Variants in RASSF9 observed in about 807,000 individuals in gnomAD.
RASSF9 encodes the protein ras association domain-containing protein 9.
A neutral mutation model predicts 21.4 loss-of-function variants in RASSF9; 18 were observed. The ratio of observed to expected loss-of-function variants is 0.84; its 90% CI spans 0.58 to 1.25. The LOEUF is 1.25. Among genes scored for constraint, RASSF9 ranks in the 50% most tolerant of loss-of-function variants. The pLI is 0.00. For synonymous variants in RASSF9, 183 were observed against 179.1 expected (o/e 1.02, Z -0.18); for missense variants, 480 against 503.2 (o/e 0.95, Z 0.44).
chr12:85,821,558 TTAA>T (rs147536514), intron 1 of RASSF9, among the ~76,000 whole-genome samples: 4,120 of 152,182 alleles, frequency 0.027, 211 homozygotes, highest in African/African-American at 0.094. Context: ...TTTCAGAAAA[TTAA>T]TGACTCTATG....
At chr12:85,832,766 T>C (rs1168160385) in intron 1 of RASSF9, among the ~76,000 whole-genome samples, 1 of 151,910 alleles carries the variant, frequency 6.6e-6, no homozygotes, top group Non-Finnish European at 1.5e-5. Context: ...ATGAAGAAGA[T>C]ATGCATCAAG....
intron 1 of RASSF9, among the ~76,000 whole-genome samples, chr12:85,812,645 A>G (rs1041251750): frequency 2.0e-5 from 3 of 151,436 alleles, no homozygotes; most frequent in African/African-American, 7.2e-5. Flanking sequence ...GATGTCTGGC[A>G]TATTTCTGCA....
intron 1 of RASSF9, among the ~76,000 whole-genome samples, chr12:85,820,563 T>C (rs1250003845): frequency 6.6e-6 from 1 of 152,076 alleles, no homozygotes; most frequent in Non-Finnish European, 1.5e-5. Context: ...TTCAACTTTT[T>C]TTACCATATA....
intron 1 of RASSF9, among the ~76,000 whole-genome samples, chr12:85,807,007 G>T (rs1879851065): frequency 6.6e-6 from 1 of 152,094 alleles, no homozygotes; most frequent in Admixed American, 6.6e-5. Flanking sequence ...TGTAACTAAT[G>T]TAATATCAAA....
At position 85,813,247 on chromosome 12, in the gene RASSF9, T is replaced by C. The variant is rs894150209; in HGVS notation, c.48-7285A>G. Among the ~76,000 whole-genome samples the C allele has an allele frequency of 7.2e-5, 11 of 151,854 alleles. No homozygotes were observed. In the East Asian group the frequency reaches 1.3e-3, roughly 19 times the overall value. On this transcript the variant is annotated intron_variant, in intron 1 of 1. Transcript: ENST00000361228. The stretch of plus-strand genomic sequence containing the variant: ...TTCATTCTGAAATATTAGTGAAAAA[T>C]TGAATATGAAACTTTTTACATTGAC...
At chr12:85,806,138 T>C (rs112897128) in intron 1 of RASSF9, among the ~76,000 whole-genome samples, 176 bp from the exon 2 acceptor site, 39,586 of 151,522 alleles carry the variant, frequency 0.26, 5,551 homozygotes, top group African/African-American at 0.33. Context: ...GCTCCGCTTC[T>C]CGGGTTCACG....
intron 1 of RASSF9, among the ~76,000 whole-genome samples, chr12:85,816,061 A>T (rs1439775300): frequency 6.6e-6 from 1 of 152,104 alleles, no homozygotes; most frequent in African/African-American, 2.4e-5. Flanking sequence ...AGAAACAGAA[A>T]ACCAAGTACT....
chr12:85,814,697 T>C (rs1880023986), intron 1 of RASSF9, among the ~76,000 whole-genome samples: 6 of 151,892 alleles, frequency 4.0e-5, no homozygotes, highest in Admixed American at 1.3e-4. Context: ...ATCATCAACC[T>C]TTATGCTTGC....
chr12:85,817,777 C>T (rs148348303), intron 1 of RASSF9, among the ~76,000 whole-genome samples: 116 of 152,096 alleles, frequency 7.6e-4, no homozygotes, highest in African/African-American at 2.6e-3. Flanking sequence ...GAAAAAAGTA[C>T]ATGTTTAGAG....
Position 85,805,407 on chromosome 12 carries a change from G to T in RASSF9, c.603C>A (p.Val201=). 1 of 1,613,600 alleles carries T rather than the reference G, an allele frequency of 6.2e-7. No individual in the cohort carries two copies. Among genetic ancestry groups the T allele is most frequent in the South Asian group, 1.1e-5 (1 of 91,058 alleles). ...CCAGATCCAGCTCTTTCATTCTCTT[G>T]ACTTGCTGATGAATAGTATGGTCCT... The part of the protein sequence containing the change: ...ISQDHTIHQQ[V]KRMKELDLEI... The change falls in exon 2 of 2, where the codon GTC becomes GTA. Residue 201 remains valine (V), a synonymous_variant. Coordinates refer to ENST00000361228, the MANE Select transcript of RASSF9 (RefSeq NM_005447.4).
chr12:85,806,410 C>T (rs565552886), intron 1 of RASSF9, among the ~76,000 whole-genome samples: 4 of 149,708 alleles, frequency 2.7e-5, no homozygotes, highest in Non-Finnish European at 5.9e-5. Context: ...TGGTGGCTCA[C>T]GCCTGTAATC....
chr12:85,815,546 A>G (rs1880044256), intron 1 of RASSF9, among the ~76,000 whole-genome samples: 1 of 152,076 alleles, frequency 6.6e-6, no homozygotes, highest in Non-Finnish European at 1.5e-5. Context: ...GAACTAATGT[A>G]CACTCCTACC....
chr12:85,811,460 G>T (rs922113969), intron 1 of RASSF9, among the ~76,000 whole-genome samples: 1 of 151,794 alleles, frequency 6.6e-6, no homozygotes, highest in Non-Finnish European at 1.5e-5. Context: ...ATAAAATAGA[G>T]ATTTCCTGGA....
At chr12:85,827,461 C>A (rs1271619316) in intron 1 of RASSF9, among the ~76,000 whole-genome samples, 1 of 152,160 alleles carries the variant, frequency 6.6e-6, no homozygotes. Context: ...ACATCCTAGG[C>A]AAGTTGACCT....
chr12:85,802,173 A>C lies in RASSF9; in HGVS notation c.*2529T>G, dbSNP rs554185757. The C allele has an allele frequency of 2.6e-5, 4 of 152,328 alleles. No homozygotes were observed. Among genetic ancestry groups the C allele is most frequent in the African/African-American group, 7.2e-5 (3 of 41,572 alleles). The allele number at this position is 152,328 out of a possible 1,614,324, so 9.4% of individuals were successfully genotyped here. A position where few individuals can be genotyped will look rare whatever the true frequency, so the allele number is the denominator to read the frequency against. On this transcript the variant is annotated 3_prime_UTR_variant, in exon 2 of 2. Coordinates refer to ENST00000361228, the MANE Select transcript of RASSF9 (RefSeq NM_005447.4). ...AATTTCATAGTTAACCTGTCAGATT[A>C]CTCAAGAATTTATACTTTAACATTT...
chr12:85,836,385 T>A lies in RASSF9; in HGVS notation c.-184A>T. 1 of 1,326,538 alleles carries A rather than the reference T, an allele frequency of 7.5e-7. No individual in the cohort carries two copies. The allele number at this position is 1,326,538 out of a possible 1,614,324, so 82.2% of individuals were successfully genotyped here. On this transcript the variant is annotated 5_prime_UTR_variant, in exon 1 of 2. Transcript: ENST00000361228. ...TGCTGGAAGTTGTGCAACTGCTGCT[T>A]AACTTTGAACTGCGGGATTGTTGTG...
chr12:85,811,588 C>T (rs562124160), intron 1 of RASSF9, among the ~76,000 whole-genome samples: 167 of 151,984 alleles, frequency 1.1e-3, no homozygotes, highest in African/African-American at 3.8e-3. Context: ...ATGCCAGTTT[C>T]GGTCTTGAAT....
intron 1 of RASSF9, among the ~76,000 whole-genome samples, chr12:85,816,391 G>A (rs1565754104): frequency 6.6e-6 from 1 of 151,442 alleles, no homozygotes; most frequent in Non-Finnish European, 1.5e-5. Context: ...ATAGCCTGAT[G>A]TTTTTCATGC....
chr12:85,823,537 TC>T (rs1880262433), intron 1 of RASSF9, among the ~76,000 whole-genome samples: 1 of 152,242 alleles, frequency 6.6e-6, no homozygotes, highest in Non-Finnish European at 1.5e-5. Context: ...ACTTGACAGT[TC>T]TTCCCGTTAA....
Sources: gnomAD v4.1 joint callset for allele counts (sites outside exome capture counted in the v4.1 genomes callset) on GRCh38, gnomAD v4.1.1 for gene constraint, MANE v1.5 for transcripts, NCBI Gene and HGNC (gene_info 2026-07-23, HGNC 2026-07-21) for gene names.